Variants in LAMA4 observed in about 807,000 individuals in gnomAD.
The protein encoded by LAMA4 is laminin subunit alpha 4, also known as laminin subunit alpha-4.
In LAMA4, 127 loss-of-function variants were observed where a neutral mutation model predicts 207.1. The ratio of observed to expected loss-of-function variants is 0.61; its 90% CI spans 0.53 to 0.71. The LOEUF (loss-of-function observed/expected upper bound fraction) is 0.71. Ranked by LOEUF, LAMA4 falls within the 30% of genes least tolerant of loss-of-function variation. The pLI, the probability that LAMA4 is intolerant of heterozygous loss-of-function variation, is 0.00. For missense variants in LAMA4, 2,093 were observed against 2,246.5 expected, an observed-to-expected ratio of 0.93 and a Z score of 1.38; for synonymous variants, 761 against 816.0, an observed-to-expected ratio of 0.93 and a Z score of 1.15.
intron 33 of LAMA4, 78 bp downstream of exon 33, chr6:112,120,205 G>T: frequency 8.8e-7 from 1 of 1,132,620 alleles, no homozygotes; most frequent in Non-Finnish European, 1.3e-6. Flanking sequence ...TTTCTAGAGA[G>T]AGTAATGGAG....
At chr6:112,245,457 A>C (rs1554188479) in intron 2 of LAMA4, among the ~76,000 whole-genome samples, 1 of 152,234 alleles carries the variant, frequency 6.6e-6, no homozygotes, top group East Asian at 1.9e-4. Flanking sequence ...TTCACTTTGT[A>C]CATAGACAAC....
chr6:112,134,993 C>T (rs9320395), intron 25 of LAMA4, among the ~76,000 whole-genome samples: 1 of 151,776 alleles, frequency 6.6e-6, no homozygotes. Flanking sequence ...AAGAACTACA[C>T]ATATTTTATG....
At chr6:112,244,334 T>G (rs1786752608) in intron 2 of LAMA4, among the ~76,000 whole-genome samples, 1 of 152,166 alleles carries the variant, frequency 6.6e-6, no homozygotes, top group Non-Finnish European at 1.5e-5. Flanking sequence ...TGCCATGAAA[T>G]GTCTGGAAGT....
intron 31 of LAMA4, among the ~76,000 whole-genome samples, chr6:112,127,976 A>G (rs1778801300): frequency 6.6e-6 from 1 of 152,204 alleles, no homozygotes; most frequent in Non-Finnish European, 1.5e-5. Flanking sequence ...GATTTTGATA[A>G]TGGAGTAGCT....
intron 2 of LAMA4, chr6:112,216,773 T>A (rs57283028): frequency 5.3e-6 from 2 of 377,440 alleles, no homozygotes; most frequent in Middle Eastern, 8.8e-4. Context: ...TACGTAACAG[T>A]AAGGGAGAAA....
At chr6:112,123,538 T>A (rs1306400205) in intron 31 of LAMA4, among the ~76,000 whole-genome samples, 1 of 152,140 alleles carries the variant, frequency 6.6e-6, no homozygotes, top group Non-Finnish European at 1.5e-5. Flanking sequence ...CTTAATCTCA[T>A]AAGGGCAAAA....
Position 112,120,345 on chromosome 6 carries a change from C to T in LAMA4, c.4603G>A (p.Val1535Ile). 1 of 1,612,490 alleles carries T rather than the reference C, an allele frequency of 6.2e-7. No homozygotes were observed. Among genetic ancestry groups the T allele is most frequent in the Non-Finnish European group, 8.5e-7 (1 of 1,178,978 alleles). The change falls in exon 33 of 39, where the codon GTT becomes ATT. Residue 1535 changes from valine (V) to isoleucine (I), a missense_variant. This residue lies in a region of LAMA4 where 383 missense variants were observed against 437.8 expected (regional missense o/e 0.87). Coordinates refer to ENST00000230538, the MANE Select transcript of LAMA4 (RefSeq NM_001105206.3). ...CTAATCTTCAGTTTTTTGTGACCAA[C>T]ATTAAACATGTAAACCAAGCGGCCA... ...AHGRLVYMFN[V>I]GHKKLKIRSQ...
chr6:112,196,842 T>C (rs1783448304), intron 5 of LAMA4, among the ~76,000 whole-genome samples: 1 of 152,170 alleles, frequency 6.6e-6, no homozygotes. Context: ...ATATTTTTAC[T>C]TAAATAAAAA....
intron 30 of LAMA4, among the ~76,000 whole-genome samples, chr6:112,129,459 C>T (rs556544228): frequency 6.6e-6 from 1 of 152,186 alleles, no homozygotes; most frequent in African/African-American, 2.4e-5. Flanking sequence ...TAAAATCATG[C>T]ATTAAATTAA....
At chr6:112,231,571 G>A (rs782144568) in intron 2 of LAMA4, among the ~76,000 whole-genome samples, 7 of 152,130 alleles carry the variant, frequency 4.6e-5, no homozygotes, top group South Asian at 4.1e-4. Flanking sequence ...GAAGCCAGTC[G>A]TATGACATCC....
At chr6:112,216,513 A>G (rs781822220) in intron 2 of LAMA4, 44 bp from the exon 3 acceptor site, 18 of 1,311,632 alleles carry the variant, frequency 1.4e-5, no homozygotes, top group Non-Finnish European at 2.0e-5. Flanking sequence ...GAAAAGATTG[A>G]TTTTGGTCAA....
chr6:112,114,184 A>G lies in LAMA4; in HGVS notation c.5218T>C (p.Ser1740Pro). The change falls in exon 38 of 39, where the codon TCT becomes CCT. Residue 1740 changes from serine (S) to proline (P), a missense_variant. Ser to Pro is a moderately conservative substitution (Grantham distance 74, BLOSUM62 -1). Coordinates refer to ENST00000230538, the MANE Select transcript of LAMA4 (RefSeq NM_001105206.3). ...RWHRITVIRD[S>P]NVVQLDVDSE... is the part of the protein sequence containing the mutation. ...TCCACATCCAACTGAACCACATTAG[A>G]ATCTCTAATAACTGAAATGCAGGGC... is the stretch of plus-strand genomic sequence containing the variant. 6.2e-7 allele frequency: 1 copy of G among 1,613,932 alleles called. No individual in the cohort carries two copies. Among genetic ancestry groups the G allele is most frequent in the Non-Finnish European group, 8.5e-7 (1 of 1,179,830 alleles).
At position 112,254,115 on chromosome 6, in the gene LAMA4, A is replaced by G. The variant is rs782309477; in HGVS notation, c.36T>C (p.Pro12=). The G allele has an allele frequency of 1.2e-6, 2 of 1,612,974 alleles. No individual in the cohort carries two copies. Among genetic ancestry groups the G allele is most frequent in the East Asian group, 4.5e-5 (2 of 44,866 alleles). The change falls in exon 2 of 39, where the codon CCT becomes CCC. Residue 12 remains proline (P), a synonymous_variant. Transcript: ENST00000230538. ...ALSSAWRSVL[P]LWLLWSAACS... ...AGGCAGCGCTCCAGAGGAGCCACAGAGGCAGAACCGAGCGCCAGGCTGAGC... is the reference window on the plus strand; with the variant it reads ...AGGCAGCGCTCCAGAGGAGCCACAGGGGCAGAACCGAGCGCCAGGCTGAGC...
intron 4 of LAMA4, among the ~76,000 whole-genome samples, chr6:112,203,630 T>C (rs1464561551): frequency 3.3e-5 from 5 of 152,120 alleles, no homozygotes; most frequent in African/African-American, 1.2e-4. Flanking sequence ...GATGAACCCC[T>C]CCTCTCCTTT....
intron 24 of LAMA4, among the ~76,000 whole-genome samples, chr6:112,137,111 C>T (rs1254119555): frequency 6.6e-6 from 1 of 152,100 alleles, no homozygotes; most frequent in African/African-American, 2.4e-5. Flanking sequence ...AATTATTATG[C>T]ACTTGGAACA....
At chr6:112,189,897 T>C (rs143390916) in intron 6 of LAMA4, among the ~76,000 whole-genome samples, 74 of 152,320 alleles carry the variant, frequency 4.9e-4, no homozygotes, top group African/African-American at 1.7e-3. Context: ...CTCATCAGAC[T>C]GTTCAATTTC....
chr6:112,254,372 T>G (rs111457948), intron 1 of LAMA4, 81 bp from the exon 2 acceptor site: 1 of 595,624 alleles, frequency 1.7e-6, no homozygotes. Context: ...CTTCTCCCCC[T>G]CTCTCTCCCT....
Position 112,253,960 on chromosome 6 carries a change from G to A in LAMA4, c.191C>T (p.Ala64Val), listed in dbSNP as rs376091454. The A allele has an allele frequency of 2.9e-5, 47 of 1,593,572 alleles. No individual in the cohort carries two copies. In the Middle Eastern group the frequency reaches 9.9e-4, roughly 34 times the overall value. The change falls in exon 2 of 39, where the codon GCC becomes GTC. Residue 64 changes from alanine (A) to valine (V), a missense_variant. Ala to Val is a moderately conservative substitution (Grantham distance 64). Around this residue, in one of 3 missense-constraint regions of LAMA4, gnomAD observed 1,704 missense variants for 1,788.4 expected, o/e 0.95. Transcript: ENST00000230538. ...RVALGRLPPA[A>V]EKCNAGFFHT... The stretch of plus-strand genomic sequence containing the variant: ...GCAATGGCAGGGACACTGTACCTCG[G>A]CCGCAGGCGGCAGGCGTCCCAGAGC...
chr6:112,204,469 A>T (rs1175649301), intron 4 of LAMA4, among the ~76,000 whole-genome samples: 3 of 143,584 alleles, frequency 2.1e-5, no homozygotes, highest in Non-Finnish European at 3.0e-5. Context: ...TTCATCTGCT[A>T]CTGCCAAAAA....
Sources: gnomAD v4.1 joint callset for allele counts (sites outside exome capture counted in the v4.1 genomes callset) on GRCh38, gnomAD v4.1.1 for gene constraint, gnomAD v4.1.1 regional missense constraint, MANE v1.5 for transcripts, NCBI Gene and HGNC (gene_info 2026-07-23, HGNC 2026-07-21) for gene names.